E4F1: variants seen among roughly 807,000 people sequenced by gnomAD.
The protein encoded by E4F1 is transcription factor E4F1.
E4F1 carries 30 observed loss-of-function variants against 72.9 expected under a neutral mutation model. The observed-to-expected ratio is 0.41, with a 90% confidence interval of 0.31 to 0.56. The LOEUF is 0.56. Among genes scored for constraint, E4F1 ranks in the 20% least tolerant of loss-of-function variants. E4F1 has a pLI of 0.25. For missense variants in E4F1, 1,091 were observed against 1,117.5 expected, an observed-to-expected ratio of 0.98 and a Z score of 0.34; for synonymous variants, 542 against 478.2, an observed-to-expected ratio of 1.13 and a Z score of -1.74.
intron 1 of E4F1, among the ~76,000 whole-genome samples, chr16:2,225,368 T>A (rs541095921): frequency 2.0e-5 from 3 of 151,812 alleles, no homozygotes; most frequent in Non-Finnish European, 4.4e-5. Flanking sequence ...GCACTGTGGC[T>A]CATACCTGTA....
At chr16:2,228,616 C>T in intron 2 of E4F1, 93 bp downstream of exon 2, 1 of 1,475,332 alleles carries the variant, frequency 6.8e-7, no homozygotes, top group Non-Finnish European at 9.2e-7. Context: ...GCAGCCGGTT[C>T]CGGGGGCCAC....
At chr16:2,228,262 C>T (rs144878577) in intron 1 of E4F1, 110 bp from the exon 2 acceptor site, 64 of 1,441,532 alleles carry the variant, frequency 4.4e-5, no homozygotes, top group Non-Finnish European at 5.7e-5. Context: ...AGCTCTGCTT[C>T]TGATGGCCTC....
At chr16:2,225,888 G>T (rs960040343) in intron 1 of E4F1, among the ~76,000 whole-genome samples, 4 of 151,768 alleles carry the variant, frequency 2.6e-5, no homozygotes, top group Non-Finnish European at 5.9e-5. Context: ...GAGGTCAGGA[G>T]ATCGAGACCA....
intron 3 of E4F1, chr16:2,231,329 C>G (rs2093466591): frequency 6.6e-6 from 1 of 152,366 alleles, no homozygotes; most frequent in African/African-American, 2.4e-5. Context: ...AGGTCCTCCC[C>G]ATCAGAGGCC....
rs1951754750 is a variant in E4F1 at position 2,223,788 on chromosome 16, G to C, written c.157+18G>C. 4 of 1,539,258 alleles carry C rather than the reference G, an allele frequency of 2.6e-6. No homozygotes were observed. Among genetic ancestry groups the C allele is most frequent in the South Asian group, 1.2e-5 (1 of 84,326 alleles). ...CGAGGAAGGTAACCGGGCCGACCCG[G>C]AGGGTGCGGCCGGGGTGCGGGCAGT... On this transcript the variant is annotated intron_variant, in intron 1 of 13. Coordinates refer to ENST00000301727, the MANE Select transcript of E4F1 (RefSeq NM_004424.5).
Position 2,234,753 on chromosome 16 carries a change from C to A in E4F1, c.1764C>A (p.Gly588=). The A allele has an allele frequency of 6.4e-7, 1 of 1,550,688 alleles. No homozygotes were observed. The highest frequency in any genetic ancestry group is 8.7e-7 in the Non-Finnish European group (1 of 1,147,764). The change falls in exon 11 of 14, where the codon GGC becomes GGA. Residue 588 remains glycine (G), a synonymous_variant. Transcript: ENST00000301727. ...GCGGCCGTGGCTTCGCCGAGCACGG[C>A]ACGCTGAACCGGCACCTGCGCACCA... ...YKCGRGFAEH[G]TLNRHLRTKG...
At chr16:2,233,697 G>T in intron 8 of E4F1, 50 bp downstream of exon 8, 1 of 1,510,630 alleles carries the variant, frequency 6.6e-7, no homozygotes. Context: ...GATCCCAGGG[G>T]CTGTCCCCAC....
Position 2,235,254 on chromosome 16 carries a change from G to A in E4F1, c.2037G>A (p.Val679=), listed in dbSNP as rs1265439619. 1.9e-6 allele frequency: 3 copies of A among 1,610,642 alleles called. No homozygotes were observed. The highest frequency in any genetic ancestry group is 1.7e-6 in the Non-Finnish European group (2 of 1,179,618). The change falls in exon 14 of 14, where the codon GTG becomes GTA. Residue 679 remains valine (V), a synonymous_variant. Transcript: ENST00000301727. ...SHIMKVVQQI[V]HQASAGHQII... is the part of the protein sequence containing the mutation. ...TCATGAAGGTGGTGCAGCAGATCGTGCACCAGGCTAGCGCCGGCCACCAGA... is the reference window on the plus strand; with the variant it reads ...TCATGAAGGTGGTGCAGCAGATCGTACACCAGGCTAGCGCCGGCCACCAGA...
intron 1 of E4F1, 160 bp downstream of exon 1, chr16:2,223,930 G>A: frequency 6.5e-7 from 1 of 1,529,568 alleles, no homozygotes; most frequent in Non-Finnish European, 8.7e-7. Context: ...AAACCCCCAG[G>A]TTTGCTGCGA....
Position 2,235,283 on chromosome 16 carries a change from T to C in E4F1, c.2066T>C (p.Ile689Thr). Residue 689 changes from isoleucine (I) to threonine (T), a missense_variant, in exon 14 of 14, where the codon ATC becomes ACC. Transcript: ENST00000301727. Reference protein sequence around the residue: ...VHQASAGHQIIVQNVTMDEET... With the variant: ...VHQASAGHQITVQNVTMDEET... ...CAGGCTAGCGCCGGCCACCAGATCA[T>C]CGTGCAGAACGTCACCATGGACGAG... 6 of 1,611,318 alleles carry C rather than the reference T, an allele frequency of 3.7e-6. No individual in the cohort carries two copies. Among genetic ancestry groups the C allele is most frequent in the South Asian group, 1.1e-5 (1 of 91,072 alleles).
Position 2,235,342 on chromosome 16 carries a change from G to A in E4F1, c.2125G>A (p.Asp709Asn), listed in dbSNP as rs1596775041. The A allele has an allele frequency of 6.2e-6, 10 of 1,609,970 alleles. No individual in the cohort carries two copies. The East Asian group carries it at 8.9e-5, about 14-fold the overall frequency. The change falls in exon 14 of 14, where the codon GAC (aspartate) becomes AAC (asparagine). Residue 709 changes from aspartate (D) to asparagine (N), a missense_variant. This residue lies in a region of E4F1 where 622 missense variants were observed against 628.0 expected (regional missense o/e 0.99). Coordinates refer to ENST00000301727, the MANE Select transcript of E4F1 (RefSeq NM_004424.5). ...GCTGGGCCCAGAGGCGGCTGCCGCC[G>A]ACACCATCACCATCGCCACCCCCGA... ...TALGPEAAAA[D>N]TITIATPESL...
At chr16:2,232,634 G>A in intron 5 of E4F1, 58 bp downstream of exon 5, 2 of 1,605,350 alleles carry the variant, frequency 1.2e-6, no homozygotes, top group Non-Finnish European at 1.7e-6. Flanking sequence ...TGGCCCTGGG[G>A]TGCCCCAGCC....
rs370544239 is a variant in E4F1, at chr16:2,235,316, C to G, written c.2099C>G (p.Ala700Gly). The G allele has an allele frequency of 6.2e-7, 1 of 1,610,866 alleles. No individual in the cohort carries two copies. The highest frequency in any genetic ancestry group is 1.1e-5 in the South Asian group (1 of 91,084). The change falls in exon 14 of 14, where the codon GCG becomes GGG. Residue 700 changes from alanine (A) to glycine (G), a missense_variant. Ala to Gly is a moderately conservative substitution (Grantham distance 60). This residue lies in a region of E4F1 where 622 missense variants were observed against 628.0 expected (regional missense o/e 0.99). Transcript: ENST00000301727. The stretch of plus-strand genomic sequence containing the variant: ...AACGTCACCATGGACGAGGAGACGG[C>G]GCTGGGCCCAGAGGCGGCTGCCGCC... ...VQNVTMDEET[A>G]LGPEAAAADT...
In E4F1 at chr16:2,223,696, G is replaced by A. The variant is rs1254783224; in HGVS notation, c.83G>A (p.Gly28Asp). Residue 28 changes from glycine (G) to aspartate (D), a missense_variant, in exon 1 of 14, where the codon GGT (glycine) becomes GAT (aspartate). Physicochemically the swap from Gly to Asp is moderately conservative, Grantham distance 94 (BLOSUM62 -1). This residue lies in a region of E4F1 where 362 missense variants were observed against 358.6 expected (regional missense o/e 1.01). Coordinates refer to ENST00000301727, the MANE Select transcript of E4F1 (RefSeq NM_004424.5). ...GAAGCCGGGCGGGAAGCGGGCGAGG[G>A]TGCAGTTGCGGCGGTGGCGGCGGCC... ...QAEAGREAGEGAVAAVAAALA... is the reference protein window; with the variant it reads ...QAEAGREAGEDAVAAVAAALA... 6.4e-7 allele frequency: 1 copy of A among 1,571,310 alleles called. No individual in the cohort carries two copies. Among genetic ancestry groups the A allele is most frequent in the Non-Finnish European group, 8.6e-7 (1 of 1,168,130 alleles).
rs141058515 is a variant in E4F1, at chr16:2,225,608, G to C, written c.157+1838G>C. On this transcript the variant is annotated intron_variant, in intron 1 of 13. Transcript: ENST00000301727. ...CCTGACTCGGCCTCCTGAGTAGCTG[G>C]GATTACGGCACGCGGCATCACACCC... 1.1e-3 allele frequency among the ~76,000 whole-genome samples: 161 copies of C among 151,640 alleles called. 1 individual carries two copies. The highest frequency in any genetic ancestry group is 3.8e-3 in the African/African-American group (157 of 41,386).
At chr16:2,223,871 C>G (rs1172089386) in intron 1 of E4F1, 101 bp downstream of exon 1, 1 of 1,532,578 alleles carries the variant, frequency 6.5e-7, no homozygotes, top group African/African-American at 1.4e-5. Flanking sequence ...CCGACCCTCC[C>G]AGACCCAGAC....
intron 3 of E4F1, chr16:2,229,941 C>T (rs936544668): frequency 3.5e-5 from 15 of 429,770 alleles, no homozygotes; most frequent in South Asian, 1.2e-4. Flanking sequence ...TCAGCTTTCC[C>T]GGGTGGTCTC....
chr16:2,228,455 G>T lies in E4F1; in HGVS notation c.241G>T (p.Ala81Ser), dbSNP rs748906678. Reference protein sequence around the residue: ...EDFVQHKIQKACQRAPPEALP... With the variant: ...EDFVQHKIQKSCQRAPPEALP... ...TTTTGTTCAGCACAAGATTCAGAAG[G>T]CCTGCCAGCGGGCCCCTCCGGAGGC... The change falls in exon 2 of 14, where the codon GCC (alanine) becomes TCC (serine). Residue 81 changes from alanine to serine, a missense_variant. Ala to Ser is a moderately conservative substitution (Grantham distance 99). This residue lies in a region of E4F1 where 362 missense variants were observed against 358.6 expected (regional missense o/e 1.01). Transcript: ENST00000301727. 2 of 1,613,412 alleles carry T rather than the reference G, an allele frequency of 1.2e-6. No homozygotes were observed. Among genetic ancestry groups the T allele is most frequent in the East Asian group, 2.2e-5 (1 of 44,884 alleles).
chr16:2,233,600 G>C lies in E4F1; in HGVS notation c.1219G>C (p.Val407Leu), dbSNP rs1596769025. The change falls in exon 8 of 14, where the codon GTG becomes CTG. Residue 407 changes from valine to leucine, a missense_variant. Coordinates refer to ENST00000301727, the MANE Select transcript of E4F1 (RefSeq NM_004424.5). The part of the protein sequence containing the change: ...AAGSSPQPLA[V>L]AAPQLPVLEV... ...CGGGTCCAGTCCCCAGCCCCTGGCAGTGGCAGCCCCGCAGCTGCCGGTACT... is the reference window on the plus strand; with the variant it reads ...CGGGTCCAGTCCCCAGCCCCTGGCACTGGCAGCCCCGCAGCTGCCGGTACT... 6.6e-7 allele frequency: 1 copy of C among 1,510,220 alleles called. No individual in the cohort carries two copies. The highest frequency in any genetic ancestry group is 1.4e-5 in the African/African-American group (1 of 72,398). The allele number at this position is 1,510,220 out of a possible 1,614,324, so 93.6% of individuals were successfully genotyped here. A position where few individuals can be genotyped will look rare whatever the true frequency, so the allele number is the denominator to read the frequency against.
Sources: gnomAD v4.1 joint callset for allele counts (sites outside exome capture counted in the v4.1 genomes callset) on GRCh38, gnomAD v4.1.1 for gene constraint, gnomAD v4.1.1 regional missense constraint, MANE v1.5 for transcripts, NCBI Gene and HGNC (gene_info 2026-07-23, HGNC 2026-07-21) for gene names.